Variants in WNT7B observed in about 807,000 individuals in gnomAD.
WNT7B encodes Wnt family member 7B.
In WNT7B, 19 loss-of-function variants were observed where a neutral mutation model predicts 38.2. The ratio of observed to expected loss-of-function variants is 0.50; its 90% CI spans 0.35 to 0.73. WNT7B has a LOEUF of 0.73. Among genes scored for constraint, WNT7B ranks in the 30% least tolerant of loss-of-function variants. The pLI is 0.01. For synonymous variants in WNT7B, 243 were observed against 209.3 expected, an observed-to-expected ratio of 1.16 and a Z score of -1.39; for missense variants, 423 against 507.9, an observed-to-expected ratio of 0.83 and a Z score of 1.61.
chr22:45,958,987 C>T (rs1932133962), intron 1 of WNT7B, among the ~76,000 whole-genome samples: 1 of 152,242 alleles, frequency 6.6e-6, no homozygotes, highest in South Asian at 2.1e-4. Flanking sequence ...CCTCCCCGAA[C>T]AGGTCCGAGC....
intron 1 of WNT7B, among the ~76,000 whole-genome samples, chr22:45,960,521 C>T (rs2146744451): frequency 6.6e-6 from 1 of 152,320 alleles, no homozygotes; most frequent in Admixed American, 6.5e-5. Context: ...CTCTGGGTGG[C>T]AGGGACAGGC....
rs1450726274 is a variant in WNT7B, at chr22:45,975,064, G to A, written c.71+1620C>T. 1.3e-5 allele frequency among the ~76,000 whole-genome samples: 2 copies of A among 152,122 alleles called. No individual in the cohort carries two copies. Among genetic ancestry groups the A allele is most frequent in the African/African-American group, 2.4e-5 (1 of 41,410 alleles). The stretch of plus-strand genomic sequence containing the variant: ...CTAGGAACAGCAGCCCACAGTGGGG[G>A]GTCAGAGCCAACTGCAGCCCCAGCT... On this transcript the variant is annotated intron_variant, in intron 1 of 3. Transcript: ENST00000339464. The surrounding 1 kb of genome is among the most constrained non-coding windows in gnomAD (Gnocchi z 6.6).
At chr22:45,938,985 A>G (rs1379362897) in intron 2 of WNT7B, among the ~76,000 whole-genome samples, 1 of 152,240 alleles carries the variant, frequency 6.6e-6, no homozygotes, top group African/African-American at 2.4e-5. Flanking sequence ...GTATAAAAAC[A>G]TCCAATAAGC....
In WNT7B at chr22:45,921,448, G is replaced by A. The variant is rs1435667318; in HGVS notation, c.*1408C>T. The A allele has an allele frequency of 6.6e-6, 1 of 152,264 alleles. No individual in the cohort carries two copies. Among genetic ancestry groups the A allele is most frequent in the East Asian group, 1.9e-4 (1 of 5,180 alleles). The allele number at this position is 152,264 out of a possible 1,614,324, so 9.4% of individuals were successfully genotyped here. A position where few individuals can be genotyped will look rare whatever the true frequency, so the allele number is the denominator to read the frequency against. On this transcript the variant is annotated 3_prime_UTR_variant, in exon 4 of 4. Coordinates refer to ENST00000339464, the MANE Select transcript of WNT7B (RefSeq NM_058238.3). Reference sequence around the variant, plus strand: ...ACTGCCACCCCGGGCATCCTGATGTGTTCTCCCAGGTCCAGAGCCCCAGGC... The same window carrying A: ...ACTGCCACCCCGGGCATCCTGATGTATTCTCCCAGGTCCAGAGCCCCAGGC...
intron 2 of WNT7B, among the ~76,000 whole-genome samples, chr22:45,945,904 C>A (rs1237589608): frequency 6.6e-6 from 1 of 152,242 alleles, no homozygotes; most frequent in Non-Finnish European, 1.5e-5. Flanking sequence ...CTCACGTGAG[C>A]ATGGATTAGG....
At position 45,923,084 on chromosome 22, in the gene WNT7B, C is replaced by A; in HGVS notation, c.822G>T (p.Ser274=). Residue 274 remains serine, a synonymous_variant, in exon 4 of 4, where the codon TCG becomes TCT. Coordinates refer to ENST00000339464, the MANE Select transcript of WNT7B (RefSeq NM_058238.3). ...CCGCGTCCTCCTCGCAGTAGTTGGG[C>A]GACTTCTCAATGTACACCAGGTCTG... ...METDLVYIEK[S]PNYCEEDAAT... 1 of 1,613,522 alleles carries A rather than the reference C, an allele frequency of 6.2e-7. No individual in the cohort carries two copies. The highest frequency in any genetic ancestry group is 1.1e-5 in the South Asian group (1 of 91,090).
chr22:45,960,161 C>G lies in WNT7B; in HGVS notation c.72-10015G>C, dbSNP rs148664630. Reference sequence around the variant, plus strand: ...CACCTCCCAGCCCCAGCCCAGGCTGCTTCTCCTTGGCCACTTTGGCCAGGT... The same window carrying G: ...CACCTCCCAGCCCCAGCCCAGGCTGGTTCTCCTTGGCCACTTTGGCCAGGT... On this transcript the variant is annotated intron_variant, in intron 1 of 3. Transcript: ENST00000339464. Among the ~76,000 whole-genome samples the G allele has an allele frequency of 8.6e-3, 1,317 of 152,304 alleles. 9 individuals are homozygous for G. Among genetic ancestry groups the G allele is most frequent in the Non-Finnish European group, 0.013 (904 of 68,014 alleles).
chr22:45,949,821 G>A, intron 2 of WNT7B, 99 bp downstream of exon 2: 3 of 1,184,324 alleles, frequency 2.5e-6, no homozygotes, highest in East Asian at 5.1e-5. Context: ...CCCAGGAGAT[G>A]TGTGCAGAAC....
intron 1 of WNT7B, among the ~76,000 whole-genome samples, chr22:45,963,318 C>T (rs1932237712): frequency 6.6e-6 from 1 of 152,180 alleles, no homozygotes; most frequent in South Asian, 2.1e-4. Flanking sequence ...AATTCCTAGG[C>T]CGCCACCGCC....
At chr22:45,936,287 A>G (rs990348772) in intron 2 of WNT7B, among the ~76,000 whole-genome samples, 5 of 152,204 alleles carry the variant, frequency 3.3e-5, no homozygotes, top group African/African-American at 9.6e-5. Context: ...CAGCTCTGAG[A>G]GCAAACAGGA....
intron 1 of WNT7B, chr22:45,972,116 G>GGGGGGGGGCCCCCCCCCCCCCCCCCC: frequency 1.9e-6 from 1 of 530,746 alleles, no homozygotes; most frequent in Non-Finnish European, 3.3e-6. Flanking sequence ...CCCGGGGGGA[G>GGGGGGGGGCCCCCCCCCCCCCCCCCC]CCCACCCGCC....
chr22:45,934,726 C>T (rs1316737686), intron 2 of WNT7B, among the ~76,000 whole-genome samples: 2 of 152,210 alleles, frequency 1.3e-5, no homozygotes, highest in East Asian at 3.9e-4. Flanking sequence ...CTATGCCTGC[C>T]CCAGGCTCAG....
At chr22:45,931,998 C>G (rs1931378582) in intron 2 of WNT7B, among the ~76,000 whole-genome samples, 1 of 152,160 alleles carries the variant, frequency 6.6e-6, no homozygotes, top group African/African-American at 2.4e-5. Flanking sequence ...GTCTCCAGAT[C>G]CTCGGCCCAT....
chr22:45,952,655 G>C (rs1375423981), intron 1 of WNT7B, among the ~76,000 whole-genome samples: 1 of 152,266 alleles, frequency 6.6e-6, no homozygotes, highest in Non-Finnish European at 1.5e-5. Flanking sequence ...TCAGGGCCGA[G>C]AAACCCCCAT....
intron 1 of WNT7B, among the ~76,000 whole-genome samples, chr22:45,973,162 C>CT (rs1932487643): frequency 2.6e-5 from 4 of 152,264 alleles, no homozygotes. Flanking sequence ...CATCCTGCTT[C>CT]TTTTGCTCTC....
Position 45,942,216 on chromosome 22 carries a change from C to T in WNT7B, c.298+7704G>A, listed in dbSNP as rs181043788. Among the ~76,000 whole-genome samples the T allele has an allele frequency of 2.1e-3, 327 of 152,318 alleles. 2 individuals carry two copies. Among genetic ancestry groups the T allele is most frequent in the Middle Eastern group, 6.8e-3 (2 of 294 alleles). ...TACCCGGCCCAGCTGGTGTGGCACC[C>T]GTGTCCAGGCTGGGGGTCTCGGTCT... On this transcript the variant is annotated intron_variant, in intron 2 of 3. Transcript: ENST00000339464.
chr22:45,926,787 G>C (rs1018600867), intron 3 of WNT7B: 1 of 985,398 alleles, frequency 1.0e-6, no homozygotes, highest in Non-Finnish European at 1.2e-6. Context: ...AGAGTGGACT[G>C]AATGTGGCCT....
At chr22:45,944,971 C>T (rs906463768) in intron 2 of WNT7B, among the ~76,000 whole-genome samples, 1 of 152,254 alleles carries the variant, frequency 6.6e-6, no homozygotes, top group Admixed American at 6.5e-5. Flanking sequence ...GGGCCACCCC[C>T]TCCTGTCCCC....
chr22:45,976,803 G>C lies in WNT7B; in HGVS notation c.-49C>G. ...ATAGACAGCGGCGGCCGGAGGGGAC[G>C]CGCGGGCCCGGCAGGGCCGGGCAGG... On this transcript the variant is annotated 5_prime_UTR_variant, in exon 1 of 4. Coordinates refer to ENST00000339464, the MANE Select transcript of WNT7B (RefSeq NM_058238.3). The surrounding 1 kb of genome is among the most constrained non-coding windows in gnomAD (Gnocchi z 8.5). 6.5e-7 allele frequency: 1 copy of C among 1,550,026 alleles called. No individual in the cohort carries two copies. The highest frequency in any genetic ancestry group is 8.7e-7 in the Non-Finnish European group (1 of 1,143,010).
Sources: gnomAD v4.1 joint callset for allele counts (sites outside exome capture counted in the v4.1 genomes callset) on GRCh38, gnomAD v4.1.1 for gene constraint, Gnocchi (gnomAD v3.1) non-coding constraint, MANE v1.5 for transcripts, NCBI Gene and HGNC (gene_info 2026-07-23, HGNC 2026-07-21) for gene names.